Variants in MICAL3 observed in about 807,000 individuals in gnomAD.
MICAL3 encodes the protein microtubule associated monooxygenase, calponin and LIM domain containing 3.
MICAL3 carries 62 observed loss-of-function variants against 207.4 expected under a neutral mutation model. The observed-to-expected ratio is 0.30, with a 90% CI of 0.24 to 0.37. MICAL3 has a LOEUF of 0.37. MICAL3 is among the 10% of genes least tolerant of loss of function. The pLI is 1.00. For synonymous variants in MICAL3, 1,077 were observed against 1,069.3 expected, an observed-to-expected ratio of 1.01 and a Z score of -0.14; for missense variants, 2,368 against 2,635.6, an observed-to-expected ratio of 0.90 and a Z score of 2.22.
intron 19 of MICAL3, among the ~76,000 whole-genome samples, chr22:17,845,577 G>A (rs1441295988): frequency 6.6e-6 from 1 of 151,584 alleles, no homozygotes; most frequent in African/African-American, 2.4e-5. Context: ...GGAGTTAGCC[G>A]GCTGCAAAAA....
chr22:17,897,526 T>C (rs1190744977), intron 7 of MICAL3, among the ~76,000 whole-genome samples: 1 of 152,064 alleles, frequency 6.6e-6, no homozygotes. Context: ...TTCCATTTGC[T>C]TGGAACAATG....
chr22:17,906,734 C>G lies in MICAL3; in HGVS notation c.79G>C (p.Gly27Arg). Residue 27 changes from glycine (G) to arginine (R), a missense_variant, in exon 2 of 32, where the codon GGA (glycine) becomes CGA (arginine). This residue lies in a region of MICAL3 where 400 missense variants were observed against 547.0 expected (regional missense o/e 0.73). Transcript: ENST00000441493. ...DRFVQATTCKGTLKAFQELCD... is the reference protein window; with the variant it reads ...DRFVQATTCKRTLKAFQELCD... ...AGCTCCTGGAAAGCCTTGAGGGTTC[C>G]CTTGCAGGTGGTGGCCTGGACAAAC... The G allele has an allele frequency of 6.2e-7, 1 of 1,613,860 alleles. No homozygotes were observed. The highest frequency in any genetic ancestry group is 8.5e-7 in the Non-Finnish European group (1 of 1,179,862).
chr22:17,888,150 A>C (rs1176078076), intron 13 of MICAL3, among the ~76,000 whole-genome samples: 2 of 152,224 alleles, frequency 1.3e-5, no homozygotes, highest in Non-Finnish European at 2.9e-5. Flanking sequence ...ATCACAATGT[A>C]ATTATACATA....
At chr22:17,833,392 C>G (rs577331288) in intron 20 of MICAL3, among the ~76,000 whole-genome samples, 104 of 152,338 alleles carry the variant, frequency 6.8e-4, no homozygotes, top group Non-Finnish European at 1.4e-3. Flanking sequence ...CAAGAAGCAT[C>G]AGGCACGAGA....
rs142837695 is a variant in MICAL3 at position 17,937,844 on chromosome 22, T to C, written c.-74-30958A>G. ...TCCTGGGAGTGAGGACCATGTCTCATCTTTTCAGCATTAAAGCAGTCAAGA... is the reference window on the plus strand; with the variant it reads ...TCCTGGGAGTGAGGACCATGTCTCACCTTTTCAGCATTAAAGCAGTCAAGA... On this transcript the variant is annotated intron_variant, in intron 1 of 31. Transcript: ENST00000441493. Among the ~76,000 whole-genome samples the C allele has an allele frequency of 2.5e-4, 38 of 152,308 alleles. No homozygotes were observed. The East Asian group carries it at 2.7e-3, about 11-fold the overall frequency.
rs1490415699 is a variant in MICAL3, at chr22:17,818,584, C to A, written c.4077G>T (p.Arg1359Ser). 1 of 1,613,658 alleles carries A rather than the reference C, an allele frequency of 6.2e-7. No homozygotes were observed. The highest frequency in any genetic ancestry group is 1.1e-5 in the South Asian group (1 of 91,084). Residue 1359 changes from arginine to serine, a missense_variant, in exon 26 of 32, where the codon AGG (arginine) becomes AGT (serine). Arg to Ser is a moderately radical substitution (Grantham distance 110). This residue lies in a region of MICAL3 where 1,770 missense variants were observed against 1,863.2 expected (regional missense o/e 0.95). Coordinates refer to ENST00000441493, the MANE Select transcript of MICAL3 (RefSeq NM_015241.3). The stretch of plus-strand genomic sequence containing the variant: ...CGGAATAGGATTTGAGGGACACTGG[C>A]CTGAAGGCAGGCGTGGGGAAGCTGG... Reference protein sequence around the residue: ...PEPSFPTPAFRPVSLKSYSVE... With the variant: ...PEPSFPTPAFSPVSLKSYSVE...
Position 17,889,192 on chromosome 22 carries a change from T to C in MICAL3, c.1733A>G (p.Asn578Ser). The C allele has an allele frequency of 2.5e-6, 4 of 1,613,362 alleles. No homozygotes were observed. Among genetic ancestry groups the C allele is most frequent in the Middle Eastern group, 1.7e-4 (1 of 6,060 alleles). Residue 578 changes from asparagine (N) to serine (S), a missense_variant, in exon 13 of 32, where the codon AAT becomes AGT. By Grantham distance (46) the Asn-to-Ser change is conservative (BLOSUM62 1). This residue lies in a region of MICAL3 where 51 missense variants were observed against 87.8 expected (regional missense o/e 0.58). Transcript: ENST00000441493. The part of the protein sequence containing the change: ...DSLDEQNVEK[N>S]NQLAFDIAEK... ...AGCAATGTCAAAGGCCAGTTGGTTA[T>C]TCTTCTCCACATTTTGCTCATCCAA...
chr22:17,899,578 A>C, intron 6 of MICAL3, 30 bp from the exon 7 acceptor site: 3 of 1,445,796 alleles, frequency 2.1e-6, no homozygotes, highest in Non-Finnish European at 2.9e-6. Flanking sequence ...GTGTGCATGT[A>C]AGTTTGCTGA....
At chr22:17,889,818 T>A (rs1245291071) in intron 12 of MICAL3, among the ~76,000 whole-genome samples, 3 of 152,022 alleles carry the variant, frequency 2.0e-5, no homozygotes, top group Non-Finnish European at 2.9e-5. Context: ...AAAATAAAAA[T>A]AAAAAATAAT....
At chr22:17,984,584 G>A (rs1936073423) in intron 1 of MICAL3, among the ~76,000 whole-genome samples, 1 of 137,814 alleles carries the variant, frequency 7.3e-6, no homozygotes, top group African/African-American at 2.7e-5. Flanking sequence ...GAACACAGAT[G>A]GGCTGCTTTG....
chr22:17,858,528 CG>C, intron 19 of MICAL3: 2 of 963,618 alleles, frequency 2.1e-6, no homozygotes, highest in Non-Finnish European at 2.5e-6. Context: ...GTTTTTATCT[CG>C]GGGAGCACTT....
At chr22:17,915,540 G>C (rs1489025813) in intron 1 of MICAL3, among the ~76,000 whole-genome samples, 1 of 152,214 alleles carries the variant, frequency 6.6e-6, no homozygotes, top group Non-Finnish European at 1.5e-5. Context: ...CTGCAGCTAA[G>C]GCTTTCCGAC....
chr22:17,796,826 CA>C lies in MICAL3; in HGVS notation c.5651-5526del, dbSNP rs1037333907. ...TAAGTCGGGGTACCCCCTACACTAC[CA>C]CCTGGCCCTTGGCGCACCCGAGCAC... is the stretch of plus-strand genomic sequence containing the variant. On this transcript the variant is annotated intron_variant, in intron 29 of 31. Transcript: ENST00000441493. This position sits in a 1 kb window ranked among gnomAD's most constrained non-coding sequence, Gnocchi z 4.4. Among the ~76,000 whole-genome samples, 23 of 152,210 alleles carry C rather than the reference CA, an allele frequency of 1.5e-4. No homozygotes were observed. The highest frequency in any genetic ancestry group is 3.1e-4 in the Non-Finnish European group (21 of 68,040).
chr22:17,973,642 A>G (rs1415824050), intron 1 of MICAL3, among the ~76,000 whole-genome samples: 1 of 152,216 alleles, frequency 6.6e-6, no homozygotes, highest in Non-Finnish European at 1.5e-5. Context: ...TCGAAAAGAC[A>G]GGCTGGCCAA....
At chr22:17,901,831 C>T in intron 5 of MICAL3, 47 bp downstream of exon 5, 1 of 1,446,602 alleles carries the variant, frequency 6.9e-7, no homozygotes, top group South Asian at 1.2e-5. Flanking sequence ...AGGATAGCAT[C>T]AGCTTTCCCT....
At chr22:17,976,581 A>ATTTTT (rs1475653582) in intron 1 of MICAL3, among the ~76,000 whole-genome samples, 5 of 90,512 alleles carry the variant, frequency 5.5e-5, no homozygotes, top group African/African-American at 1.7e-4. Flanking sequence ...ATATATATAT[A>ATTTTT]TATATATATT....
At chr22:17,994,151 C>CCCCTGT (rs1491266414) in intron 1 of MICAL3, among the ~76,000 whole-genome samples, 6 of 152,278 alleles carry the variant, frequency 3.9e-5, no homozygotes, top group African/African-American at 1.4e-4. Context: ...TGCTCTCCCA[C>CCCCTGT]CCCTGTCCCT....
chr22:17,873,768 A>G (rs1042908206), intron 16 of MICAL3, among the ~76,000 whole-genome samples: 2 of 152,224 alleles, frequency 1.3e-5, no homozygotes, highest in African/African-American at 4.8e-5. Context: ...CTCACACCTA[A>G]GCTGGGTGCC....
rs1257772071 is a variant in MICAL3 at position 17,876,805 on chromosome 22, A to C, written c.2242-4782T>G. On this transcript the variant is annotated intron_variant, in intron 16 of 31. Coordinates refer to ENST00000441493, the MANE Select transcript of MICAL3 (RefSeq NM_015241.3). ...GTTAGGGAGGTTAGGGAAGTTATGG[A>C]GGTTAGGGAGGTTAGGGAGGTTATG... 6 of 107,502 alleles carry C rather than the reference A, an allele frequency of 5.6e-5. No individual in the cohort carries two copies. In the East Asian group the frequency reaches 8.6e-4, roughly 15 times the overall value. 6.7% of individuals were successfully genotyped at this position (107,502 alleles called of 1,614,324 possible).
Sources: allele counts gnomAD v4.1 joint callset (sites outside exome capture counted in the v4.1 genomes callset), GRCh38; gene constraint gnomAD v4.1.1; regional missense constraint gnomAD v4.1.1; non-coding constraint Gnocchi (gnomAD v3.1); transcripts MANE v1.5; gene names NCBI Gene and HGNC (gene_info 2026-07-23, HGNC 2026-07-21).